Variants in PTPRG observed in about 807,000 individuals in gnomAD.
PTPRG encodes the protein protein tyrosine phosphatase receptor type G.
A neutral mutation model predicts 165.3 loss-of-function variants in PTPRG; 102 were observed. That is an observed-to-expected ratio of 0.62 (90% CI 0.53 to 0.73). The LOEUF is 0.73. Among genes scored for constraint, PTPRG ranks in the 30% least tolerant of loss-of-function variants. The probability of loss-of-function intolerance (pLI) is 0.00; values close to 1 mark genes in which losing one functional copy is unlikely to be tolerated. For synonymous variants in PTPRG, 675 were observed against 669.5 expected (o/e 1.01, Z -0.13); for missense variants, 1,866 against 1,861.4 (o/e 1.00, Z -0.05).
At position 61,610,381 on chromosome 3, in the gene PTPRG, T is replaced by C. The variant is rs552804044; in HGVS notation, c.85+48009T>C. Among the ~76,000 whole-genome samples the C allele has an allele frequency of 4.6e-5, 7 of 152,280 alleles. No individual in the cohort carries two copies. The South Asian group carries it at 1.5e-3, about 32-fold the overall frequency. ...ATTTTGCAAGACCCAAATCATTTGGTAGATGTATTGTCATTGTCTCTTAGA... is the reference window on the plus strand; with the variant it reads ...ATTTTGCAAGACCCAAATCATTTGGCAGATGTATTGTCATTGTCTCTTAGA... On this transcript the variant is annotated intron_variant, in intron 1 of 29. Coordinates refer to ENST00000474889, the MANE Select transcript of PTPRG (RefSeq NM_002841.4).
chr3:61,864,165 C>A (rs1045757624), intron 2 of PTPRG, among the ~76,000 whole-genome samples: 3 of 152,176 alleles, frequency 2.0e-5, no homozygotes, highest in South Asian at 4.1e-4. Flanking sequence ...CCTTCAAAAT[C>A]CTCTCTTTGA....
intron 1 of PTPRG, among the ~76,000 whole-genome samples, chr3:61,731,400 G>A: frequency 6.7e-6 from 1 of 148,754 alleles, no homozygotes; most frequent in Non-Finnish European, 1.5e-5. Flanking sequence ...CTAGGCTGGA[G>A]TGCAGTGTCA....
intron 4 of PTPRG, among the ~76,000 whole-genome samples, chr3:62,037,130 G>T (rs1410635548): frequency 1.3e-5 from 2 of 152,226 alleles, no homozygotes; most frequent in Admixed American, 1.3e-4. Flanking sequence ...CTAGTTTACA[G>T]ATTTGGAACC....
chr3:61,865,019 T>G (rs2037367454), intron 2 of PTPRG, among the ~76,000 whole-genome samples: 1 of 152,194 alleles, frequency 6.6e-6, no homozygotes, highest in South Asian at 2.1e-4. Flanking sequence ...GACCATTTTA[T>G]GTTTTGCCTG....
intron 2 of PTPRG, among the ~76,000 whole-genome samples, chr3:61,874,045 GT>G (rs1271770195): frequency 6.6e-6 from 1 of 152,196 alleles, no homozygotes; most frequent in Non-Finnish European, 1.5e-5. Context: ...AGAAGGAACT[GT>G]AAAATGCAGT....
chr3:61,890,532 A>G (rs1273406067), intron 2 of PTPRG, among the ~76,000 whole-genome samples: 1 of 151,834 alleles, frequency 6.6e-6, no homozygotes, highest in Non-Finnish European at 1.5e-5. Context: ...CAACAACAAA[A>G]GAACAAACAT....
chr3:62,294,328 T>C lies in PTPRG; in HGVS notation c.*1021T>C, dbSNP rs1466879787. On this transcript the variant is annotated 3_prime_UTR_variant, in exon 30 of 30. Coordinates refer to ENST00000474889, the MANE Select transcript of PTPRG (RefSeq NM_002841.4). ...TTTTCTTTCCTTCTTTGCCAAATGT[T>C]TTATAATAAATCTCTTAATTACATA... 6.6e-6 allele frequency: 1 copy of C among 152,166 alleles called. No individual in the cohort carries two copies. The highest frequency in any genetic ancestry group is 2.4e-5 in the African/African-American group (1 of 41,460). The allele number at this position is 152,166 out of a possible 1,614,324, so 9.4% of individuals were successfully genotyped here. A position where few individuals can be genotyped will look rare whatever the true frequency, so the allele number is the denominator to read the frequency against.
intron 1 of PTPRG, among the ~76,000 whole-genome samples, chr3:61,573,263 AG>A (rs985606310): frequency 1.1e-4 from 16 of 152,092 alleles, no homozygotes; most frequent in Non-Finnish European, 2.1e-4. Flanking sequence ...TCGGGGGACA[AG>A]GGGGGGAAAG....
intron 2 of PTPRG, among the ~76,000 whole-genome samples, chr3:61,982,127 A>T (rs1248425091): frequency 1.3e-5 from 2 of 152,152 alleles, no homozygotes; most frequent in Admixed American, 6.6e-5. Context: ...AGAACATATT[A>T]GTCAAAATGT....
intron 5 of PTPRG, chr3:62,124,153 G>C: frequency 1.5e-6 from 1 of 664,370 alleles, no homozygotes; most frequent in Non-Finnish European, 2.7e-6. Flanking sequence ...AAGGTTCTGT[G>C]AATTTGTTGT....
chr3:62,119,388 G>T lies in PTPRG; in HGVS notation c.616-13214G>T, dbSNP rs539690297. ...CATTGAGCTTAGCTCTGATGACTGA[G>T]AACTTGCCCTGCAAAGAGCTGAGGA... On this transcript the variant is annotated intron_variant, in intron 5 of 29. Coordinates refer to ENST00000474889, the MANE Select transcript of PTPRG (RefSeq NM_002841.4). 2.0e-5 allele frequency among the ~76,000 whole-genome samples: 3 copies of T among 152,314 alleles called. No individual in the cohort carries two copies. In the East Asian group the frequency reaches 5.8e-4, roughly 29 times the overall value.
At chr3:62,088,788 C>T (rs1210031136) in intron 5 of PTPRG, among the ~76,000 whole-genome samples, 1 of 152,184 alleles carries the variant, frequency 6.6e-6, no homozygotes, top group Non-Finnish European at 1.5e-5. Context: ...TGTAGGAGAA[C>T]CTGCTTCTGT....
chr3:61,630,943 C>G (rs1234562262), intron 1 of PTPRG, among the ~76,000 whole-genome samples: 4 of 151,974 alleles, frequency 2.6e-5, no homozygotes, highest in Non-Finnish European at 5.9e-5. Context: ...GTAGTCCCAG[C>G]TACTCGGGAG....
intron 23 of PTPRG, among the ~76,000 whole-genome samples, chr3:62,274,639 C>G (rs904570340): frequency 3.3e-5 from 5 of 152,144 alleles, no homozygotes; most frequent in African/African-American, 1.2e-4. Flanking sequence ...GTAAAACTTT[C>G]CATAGACTGA....
chr3:61,890,412 G>GTTTT lies in PTPRG; in HGVS notation c.191-99206_191-99203dup, dbSNP rs1388100597. On this transcript the variant is annotated intron_variant, in intron 2 of 29. Transcript: ENST00000474889. ...GTTTTGGGCGGGTTTCTTGTTCTTT[G>GTTTT]TTTTTTTTTTGTTTTTTTTTTTTTT... Among the ~76,000 whole-genome samples, 445 of 95,316 alleles carry GTTTT rather than the reference G, an allele frequency of 4.7e-3. 30 individuals are homozygous for GTTTT. Among genetic ancestry groups the GTTTT allele is most frequent in the African/African-American group, 0.015 (331 of 21,840 alleles). The allele number at this position is 95,316 out of a possible 152,430, so 62.5% of individuals were successfully genotyped here.
chr3:61,720,704 A>ATATTGATTG (rs1158108613), intron 1 of PTPRG, among the ~76,000 whole-genome samples: 1 of 152,216 alleles, frequency 6.6e-6, no homozygotes, highest in Non-Finnish European at 1.5e-5. Context: ...GGCAGGTGCA[A>ATATTGATTG]AGTACACATT....
At chr3:61,686,062 G>A (rs540987113) in intron 1 of PTPRG, among the ~76,000 whole-genome samples, 4 of 152,306 alleles carry the variant, frequency 2.6e-5, no homozygotes, top group East Asian at 3.9e-4. Flanking sequence ...CTTGGTGCTC[G>A]TTACCTCATT....
intron 8 of PTPRG, among the ~76,000 whole-genome samples, chr3:62,177,216 G>T (rs912547762): frequency 3.3e-5 from 5 of 152,158 alleles, no homozygotes; most frequent in African/African-American, 9.7e-5. Flanking sequence ...AGCCCAGGGG[G>T]TTGAGGCTGT....
intron 2 of PTPRG, among the ~76,000 whole-genome samples, chr3:61,851,459 A>G (rs867604881): frequency 6.6e-6 from 1 of 152,216 alleles, no homozygotes; most frequent in Admixed American, 6.5e-5. Context: ...CAGAAAATAT[A>G]CAATACTAGC....
Sources: allele counts gnomAD v4.1 joint callset (sites outside exome capture counted in the v4.1 genomes callset), GRCh38; gene constraint gnomAD v4.1.1; transcripts MANE v1.5; gene names NCBI Gene and HGNC (gene_info 2026-07-23, HGNC 2026-07-21).